The following RPH3A variants were observed in gnomAD, a reference collection of about 807,000 sequenced individuals.
The protein encoded by RPH3A is rabphilin-3A.
RPH3A carries 48 observed loss-of-function variants against 102.2 expected under a neutral mutation model. That is an observed-to-expected ratio of 0.47 (90% confidence interval 0.37 to 0.60). RPH3A has a LOEUF of 0.60. Among genes scored for constraint, RPH3A ranks in the 20% least tolerant of loss-of-function variants. RPH3A has a pLI of 0.00. For synonymous variants in RPH3A, 310 were observed against 324.3 expected (o/e 0.96, Z 0.47); for missense variants, 781 against 910.1 (o/e 0.86, Z 1.83).
intron 1 of RPH3A, among the ~76,000 whole-genome samples, chr12:112,600,868 T>C (rs1284756999): frequency 6.6e-6 from 1 of 152,240 alleles, no homozygotes; most frequent in Non-Finnish European, 1.5e-5. Flanking sequence ...AGAGGTTTAA[T>C]TGACTCACAG....
intron 6 of RPH3A, 48 bp downstream of exon 6, chr12:112,865,591 G>T (rs763954030): frequency 6.3e-7 from 1 of 1,590,560 alleles, no homozygotes; most frequent in South Asian, 1.1e-5. Context: ...ACCTGCAGAG[G>T]GGAAAGTCCT....
At chr12:112,691,004 G>A (rs2040302381) in intron 1 of RPH3A, among the ~76,000 whole-genome samples, 1 of 150,392 alleles carries the variant, frequency 6.6e-6, no homozygotes, top group African/African-American at 2.5e-5. Flanking sequence ...GATCCCCCCC[G>A]CCCCCGCACT....
chr12:112,746,053 C>G (rs575344250), intron 1 of RPH3A, among the ~76,000 whole-genome samples: 1 of 152,068 alleles, frequency 6.6e-6, no homozygotes, highest in Admixed American at 6.5e-5. Context: ...AGGTTAAGTC[C>G]CCTTGCAACC....
At chr12:112,848,466 A>G (rs959852634) in intron 5 of RPH3A, among the ~76,000 whole-genome samples, 14 of 152,148 alleles carry the variant, frequency 9.2e-5, no homozygotes, top group Non-Finnish European at 1.8e-4. Flanking sequence ...CCAGCTCCCC[A>G]CTTGCCTGCT....
At chr12:112,765,912 G>A (rs762510465) in intron 1 of RPH3A, among the ~76,000 whole-genome samples, 2 of 152,166 alleles carry the variant, frequency 1.3e-5, no homozygotes, top group African/African-American at 2.4e-5. Context: ...AGAACTCAAT[G>A]GCAGGAACTA....
rs116922239 is a variant in RPH3A at position 112,828,936 on chromosome 12, T to C, written c.71+547T>C. Among the ~76,000 whole-genome samples the C allele has an allele frequency of 5.9e-3, 897 of 152,352 alleles. 8 individuals carry two copies. Among genetic ancestry groups the C allele is most frequent in the Non-Finnish European group, 7.8e-3 (530 of 68,038 alleles). ...ACCTGACAACACTGGACTACAATTTTGCCAACAGTTCAACAGAAGACAAGT... is the reference window on the plus strand; with the variant it reads ...ACCTGACAACACTGGACTACAATTTCGCCAACAGTTCAACAGAAGACAAGT... On this transcript the variant is annotated intron_variant, in intron 3 of 21. Transcript: ENST00000389385.
upstream of RPH3A, among the ~76,000 whole-genome samples, chr12:112,788,158 G>A (rs1383771224): frequency 3.3e-5 from 5 of 152,218 alleles, no homozygotes; most frequent in Non-Finnish European, 4.4e-5. Flanking sequence ...CAGGGAGGTG[G>A]GCAGGATGGG....
At chr12:112,723,294 T>C (rs1376198698) in intron 1 of RPH3A, among the ~76,000 whole-genome samples, 1 of 152,248 alleles carries the variant, frequency 6.6e-6, no homozygotes, top group Non-Finnish European at 1.5e-5. Context: ...ATATTTTGTA[T>C]ATGATATGTA....
At chr12:112,841,708 T>G (rs1189702528) in intron 4 of RPH3A, among the ~76,000 whole-genome samples, 2 of 126,850 alleles carry the variant, frequency 1.6e-5, no homozygotes, top group Admixed American at 7.6e-5. Flanking sequence ...GTTTTTTTGG[T>G]TTTTTTTTTT....
chr12:112,690,650 G>T (rs1383407572), intron 1 of RPH3A, among the ~76,000 whole-genome samples: 1 of 152,176 alleles, frequency 6.6e-6, no homozygotes, highest in Non-Finnish European at 1.5e-5. Context: ...CCACCCACTG[G>T]TAAATATGGA....
intron 1 of RPH3A, among the ~76,000 whole-genome samples, chr12:112,753,443 G>A (rs935686131): frequency 1.3e-5 from 2 of 152,156 alleles, no homozygotes; most frequent in African/African-American, 2.4e-5. Flanking sequence ...GAAAACTCAG[G>A]TGAGCCACTT....
At chr12:112,684,490 A>T (rs113555657) in intron 1 of RPH3A, among the ~76,000 whole-genome samples, 6,471 of 151,922 alleles carry the variant, frequency 0.043, 473 homozygotes, top group African/African-American at 0.15. Flanking sequence ...CTGGTCTCAC[A>T]TTCCTGACCT....
upstream of RPH3A, among the ~76,000 whole-genome samples, chr12:112,787,582 G>A (rs73425027): frequency 0.05 from 7,667 of 152,234 alleles, 637 homozygotes; most frequent in African/African-American, 0.17. Context: ...CCCTGCAAAA[G>A]GAGAGATGAT....
intron 2 of RPH3A, among the ~76,000 whole-genome samples, chr12:112,802,425 T>G (rs1268451106): frequency 2.6e-5 from 4 of 152,172 alleles, no homozygotes; most frequent in Admixed American, 1.3e-4. Context: ...TGAAATAAGA[T>G]GATGCCTAGT....
intron 6 of RPH3A, 53 bp downstream of exon 6, chr12:112,865,596 A>G (rs2042599020): frequency 6.3e-7 from 1 of 1,579,588 alleles, no homozygotes; most frequent in African/African-American, 1.5e-5. Context: ...CAGAGGGGAA[A>G]GTCCTAGGCT....
intron 1 of RPH3A, among the ~76,000 whole-genome samples, chr12:112,680,504 A>G (rs1281272627): frequency 1.3e-5 from 2 of 152,154 alleles, no homozygotes; most frequent in Non-Finnish European, 2.9e-5. Flanking sequence ...GGCCCGGAGA[A>G]GTCAAGTTAC....
intron 1 of RPH3A, among the ~76,000 whole-genome samples, chr12:112,696,079 A>G (rs879787336): frequency 6.6e-6 from 1 of 152,208 alleles, no homozygotes; most frequent in Non-Finnish European, 1.5e-5. Context: ...AAGCAAGAGC[A>G]TACTATATTT....
intron 1 of RPH3A, among the ~76,000 whole-genome samples, chr12:112,590,392 C>T (rs777528420): frequency 1.3e-5 from 2 of 152,190 alleles, no homozygotes; most frequent in Non-Finnish European, 2.9e-5. Flanking sequence ...ACCCAGTGAC[C>T]TTGAGCAGGT....
At chr12:112,636,862 C>G (rs140564747) in intron 1 of RPH3A, among the ~76,000 whole-genome samples, 2 of 152,260 alleles carry the variant, frequency 1.3e-5, no homozygotes, top group African/African-American at 4.8e-5. Context: ...GCTCAGGCAC[C>G]CTACCCCAGT....
Sources: allele counts gnomAD v4.1 joint callset (sites outside exome capture counted in the v4.1 genomes callset), GRCh38; gene constraint gnomAD v4.1.1; transcripts MANE v1.5; gene names NCBI Gene and HGNC (gene_info 2026-07-23, HGNC 2026-07-21).